Variants in KHDRBS2 observed in about 807,000 individuals in gnomAD.
The protein encoded by KHDRBS2 is KH domain-containing, RNA-binding, signal transduction-associated protein 2.
Under a neutral mutation model 44.3 loss-of-function variants are expected in KHDRBS2, and 26 were observed. The observed-to-expected ratio is 0.59, with a 90% confidence interval of 0.43 to 0.81. The LOEUF (loss-of-function observed/expected upper bound fraction) is 0.81, where lower values mean the gene tolerates loss of function less well. Ranked by LOEUF, KHDRBS2 falls within the 40% of genes least tolerant of loss-of-function variation. KHDRBS2 has a pLI of 0.00. For synonymous variants in KHDRBS2, 194 were observed against 151.1 expected (o/e 1.28, Z -2.08); for missense variants, 476 against 433.1 (o/e 1.10, Z -0.88).
chr6:61,779,943 A>G (rs1782678457), intron 6 of KHDRBS2, among the ~76,000 whole-genome samples: 2 of 152,166 alleles, frequency 1.3e-5, no homozygotes, highest in South Asian at 4.2e-4. Flanking sequence ...TGAAAAAAAA[A>G]ACTTACTATA....
chr6:61,667,203 T>C, the KHDRBS2 span, among the ~76,000 whole-genome samples: 3 of 150,844 alleles, frequency 2.0e-5, no homozygotes, highest in African/African-American at 7.3e-5. Flanking sequence ...AAAGTTATGT[T>C]AATTTTTATC....
chr6:61,722,288 C>A (rs1360402504), intron 7 of KHDRBS2, among the ~76,000 whole-genome samples: 1 of 152,150 alleles, frequency 6.6e-6, no homozygotes, highest in Non-Finnish European at 1.5e-5. Context: ...ATGATGCTGG[C>A]TGGTGAAACA....
chr6:61,936,740 C>A (rs1447524241), intron 4 of KHDRBS2, among the ~76,000 whole-genome samples: 1 of 151,928 alleles, frequency 6.6e-6, no homozygotes, highest in Non-Finnish European at 1.5e-5. Flanking sequence ...AACTGAAAGT[C>A]AATAATTATT....
At chr6:61,728,841 T>A (rs777614128) in intron 7 of KHDRBS2, among the ~76,000 whole-genome samples, 1 of 152,178 alleles carries the variant, frequency 6.6e-6, no homozygotes, top group African/African-American at 2.4e-5. Context: ...ATTTTCTTTT[T>A]AAAAAAACTT....
chr6:61,807,972 G>A (rs565156705), intron 6 of KHDRBS2, among the ~76,000 whole-genome samples: 2 of 152,048 alleles, frequency 1.3e-5, no homozygotes, highest in South Asian at 2.1e-4. Flanking sequence ...GTCATGTTAC[G>A]GAGAGATCTG....
intron 6 of KHDRBS2, among the ~76,000 whole-genome samples, chr6:61,877,549 T>C (rs927685933): frequency 6.6e-6 from 1 of 151,742 alleles, no homozygotes; most frequent in Non-Finnish European, 1.5e-5. Flanking sequence ...AAACCTACAC[T>C]GCTCCCCTGA....
At chr6:62,194,689 T>G (rs1458750697) in intron 1 of KHDRBS2, among the ~76,000 whole-genome samples, 1 of 151,426 alleles carries the variant, frequency 6.6e-6, no homozygotes, top group Non-Finnish European at 1.5e-5. Flanking sequence ...GTATTTTTAG[T>G]AGAGACAGGG....
intron 4 of KHDRBS2, among the ~76,000 whole-genome samples, chr6:61,973,203 A>G (rs1048624023): frequency 2.0e-5 from 3 of 152,152 alleles, no homozygotes; most frequent in Non-Finnish European, 4.4e-5. Context: ...AATTTCAGGG[A>G]CACATTTTTA....
rs557257894 is a variant in KHDRBS2 at position 62,024,741 on chromosome 6, G to T, written c.336+23137C>A. 2.0e-5 allele frequency among the ~76,000 whole-genome samples: 3 copies of T among 151,430 alleles called. No homozygotes were observed. The South Asian group carries it at 6.2e-4, about 31-fold the overall frequency. On this transcript the variant is annotated intron_variant, in intron 3 of 8. Coordinates refer to ENST00000281156, the MANE Select transcript of KHDRBS2 (RefSeq NM_152688.4). ...TTTATCTGGGCTCTAAAAAATTGCC[G>T]CTTTGACCTTTTATTTTTTCATCAT...
chr6:62,276,364 C>G (rs1201273585), intron 1 of KHDRBS2, among the ~76,000 whole-genome samples: 1 of 152,166 alleles, frequency 6.6e-6, no homozygotes, highest in African/African-American at 2.4e-5. Flanking sequence ...CTGACTGCCT[C>G]AAGACCCAAG....
At chr6:62,223,852 A>G (rs1342383819) in intron 1 of KHDRBS2, among the ~76,000 whole-genome samples, 5 of 152,032 alleles carry the variant, frequency 3.3e-5, no homozygotes, top group African/African-American at 1.2e-4. Context: ...CCTGGACCTT[A>G]TTGTCCATAT....
At chr6:61,776,550 C>T (rs1182552029) in intron 6 of KHDRBS2, among the ~76,000 whole-genome samples, 6 of 152,194 alleles carry the variant, frequency 3.9e-5, no homozygotes, top group African/African-American at 1.2e-4. Flanking sequence ...CTCACCATCA[C>T]TGGTCATCAG....
intron 8 of KHDRBS2, among the ~76,000 whole-genome samples, chr6:61,691,263 G>A (rs9444100): frequency 0.35 from 53,683 of 151,980 alleles, 10,313 homozygotes; most frequent in East Asian, 0.49. Flanking sequence ...AAGCATTGAT[G>A]TAGTGGTGCA....
intron 4 of KHDRBS2, among the ~76,000 whole-genome samples, chr6:61,972,534 G>T (rs944098244): frequency 6.6e-6 from 1 of 152,168 alleles, no homozygotes; most frequent in African/African-American, 2.4e-5. Flanking sequence ...TTACAAGAAA[G>T]AAAAGGGAAT....
chr6:61,751,457 A>G (rs1387925219), intron 6 of KHDRBS2, among the ~76,000 whole-genome samples: 1 of 152,208 alleles, frequency 6.6e-6, no homozygotes, highest in East Asian at 1.9e-4. Flanking sequence ...GCAGGAGTGC[A>G]CTTTACAATG....
chr6:61,977,660 T>C (rs1460417223), intron 4 of KHDRBS2, among the ~76,000 whole-genome samples: 1 of 152,094 alleles, frequency 6.6e-6, no homozygotes, highest in Non-Finnish European at 1.5e-5. Context: ...AATTATTACA[T>C]ATCTGATCTC....
intron 1 of KHDRBS2, among the ~76,000 whole-genome samples, chr6:62,191,856 T>C (rs1824688181): frequency 6.6e-6 from 1 of 152,132 alleles, no homozygotes; most frequent in Non-Finnish European, 1.5e-5. Context: ...TTAAATATCA[T>C]GTACGCATCT....
At chr6:62,163,498 A>T (rs146209366) in intron 2 of KHDRBS2, among the ~76,000 whole-genome samples, 103 of 152,132 alleles carry the variant, frequency 6.8e-4, no homozygotes, top group African/African-American at 2.4e-3. Context: ...TGGGTAGAAC[A>T]TTTAGCCGTA....
intron 1 of KHDRBS2, among the ~76,000 whole-genome samples, chr6:62,207,739 A>C (rs1011249590): frequency 6.6e-6 from 1 of 152,186 alleles, no homozygotes; most frequent in African/African-American, 2.4e-5. Flanking sequence ...TTTGAGAAGC[A>C]TTCCATACAA....
Sources: allele counts gnomAD v4.1 joint callset (sites outside exome capture counted in the v4.1 genomes callset), GRCh38; gene constraint gnomAD v4.1.1; transcripts MANE v1.5; gene names NCBI Gene and HGNC (gene_info 2026-07-23, HGNC 2026-07-21).